The following RHOU variants were observed in gnomAD, a reference collection of about 807,000 sequenced individuals.
RHOU encodes the protein ras homolog family member U, also known as rho-related GTP-binding protein RhoU.
In RHOU, 8 loss-of-function variants were observed where a neutral mutation model predicts 12.6. That is an observed-to-expected ratio of 0.64 (90% CI 0.37 to 1.15). The LOEUF (loss-of-function observed/expected upper bound fraction) is 1.15, where lower values mean the gene tolerates loss of function less well. Among genes scored for constraint, RHOU ranks in the 50% most tolerant of loss-of-function variants. The probability of loss-of-function intolerance (pLI) is 0.01; values close to 1 mark genes in which losing one functional copy is unlikely to be tolerated. For synonymous variants in RHOU, 161 were observed against 147.4 expected (o/e 1.09, Z -0.67); for missense variants, 258 against 347.0 (o/e 0.74, Z 2.04).
At chr1:228,669,532 C>T in the RHOU span, among the ~76,000 whole-genome samples, 1 of 152,230 alleles carries the variant, frequency 6.6e-6, no homozygotes, top group Non-Finnish European at 1.5e-5. Flanking sequence ...CAGGCTATAA[C>T]TGAAGGACTG....
chr1:228,708,342 A>G, the RHOU span, among the ~76,000 whole-genome samples: 569 of 151,928 alleles, frequency 3.7e-3, 3 homozygotes, highest in Middle Eastern at 0.027. Flanking sequence ...GAGCAACACC[A>G]AGACACATAA....
rs370430474 is a variant in RHOU, at chr1:228,743,477, C to G, written c.514C>G (p.Leu172Val). Residue 172 changes from leucine (L) to valine (V), a missense_variant, in exon 3 of 3, where the codon CTC (leucine) becomes GTC (valine). Transcript: ENST00000366691. The surrounding 1 kb of genome is among the most constrained non-coding windows in gnomAD (Gnocchi z 5.1). ...QSDLREDVKVLIELDKCKEKP... is the reference protein window; with the variant it reads ...QSDLREDVKVVIELDKCKEKP... The stretch of plus-strand genomic sequence containing the variant: ...GGATCTCAGAGAAGATGTCAAAGTC[C>G]TCATTGAGTTGGACAAATGCAAAGA... 1.5e-5 allele frequency: 24 copies of G among 1,614,044 alleles called. No homozygotes were observed. Among genetic ancestry groups the G allele is most frequent in the African/African-American group, 2.7e-5 (2 of 74,908 alleles).
upstream of RHOU, among the ~76,000 whole-genome samples, chr1:228,731,659 G>A (rs1307386499): frequency 6.6e-6 from 1 of 152,156 alleles, no homozygotes; most frequent in East Asian, 1.9e-4. Flanking sequence ...CGGAGAAAGA[G>A]CAAGTTCATG....
At chr1:228,672,153 A>G in the RHOU span, among the ~76,000 whole-genome samples, 8 of 152,346 alleles carry the variant, frequency 5.3e-5, no homozygotes, top group Non-Finnish European at 1.0e-4. Context: ...ATATAATTGC[A>G]TTTTCATATA....
chr1:228,677,072 T>C, the RHOU span, among the ~76,000 whole-genome samples: 1 of 151,906 alleles, frequency 6.6e-6, no homozygotes, highest in African/African-American at 2.4e-5. Context: ...TTTGGGGTGG[T>C]ATGGAGAGAT....
the RHOU span, among the ~76,000 whole-genome samples, chr1:228,691,535 C>G: frequency 6.6e-6 from 1 of 151,570 alleles, no homozygotes; most frequent in Non-Finnish European, 1.5e-5. Flanking sequence ...TTCAGATTGG[C>G]TTCTTTCATG....
At chr1:228,675,038 A>G in the RHOU span, among the ~76,000 whole-genome samples, 1 of 152,066 alleles carries the variant, frequency 6.6e-6, no homozygotes. Context: ...CTCCTATATT[A>G]TATTCTAAGA....
In RHOU at chr1:228,735,688, G is replaced by A; in HGVS notation, c.-55G>A. The A allele has an allele frequency of 8.5e-7, 1 of 1,179,676 alleles. No homozygotes were observed. The highest frequency in any genetic ancestry group is 4.5e-5 in the Admixed American group (1 of 22,064). The allele number at this position is 1,179,676 out of a possible 1,614,324, so 73.1% of individuals were successfully genotyped here. On this transcript the variant is annotated 5_prime_UTR_variant, in exon 1 of 3. Transcript: ENST00000366691. The surrounding 1 kb of genome is among the most constrained non-coding windows in gnomAD (Gnocchi z 8.1). ...CTACCGCAACCCTCCGGGGCGGAGG[G>A]GCGGTCGGGCCGGGCCCTGCTAGCC...
chr1:228,651,124 C>A, the RHOU span: 1 of 216,614 alleles, frequency 4.6e-6, no homozygotes, highest in Non-Finnish European at 9.9e-6. Context: ...GGAGCATGAT[C>A]TCACCCAGCT....
Position 228,738,298 on chromosome 1 carries a change from C to T in RHOU, c.321+567C>T, listed in dbSNP as rs1662653917. Among the ~76,000 whole-genome samples, 1 of 152,156 alleles carries T rather than the reference C, an allele frequency of 6.6e-6. No homozygotes were observed. Among genetic ancestry groups the T allele is most frequent in the Non-Finnish European group, 1.5e-5 (1 of 68,034 alleles). ...ATGAACTAACTGGGCTTATTCTATC[C>T]AAACTGTGAACGCTGGTTCTTGTCT... On this transcript the variant is annotated intron_variant, in intron 2 of 2. Coordinates refer to ENST00000366691, the MANE Select transcript of RHOU (RefSeq NM_021205.6). This position sits in a 1 kb window ranked among gnomAD's most constrained non-coding sequence, Gnocchi z 4.2.
At chr1:228,687,364 T>A in the RHOU span, 6 of 820,000 alleles carry the variant, frequency 7.3e-6, no homozygotes, top group South Asian at 8.0e-5. Context: ...CTTAAGTGGA[T>A]GTTTTGGTAC....
chr1:228,741,752 C>T (rs1662724123), intron 2 of RHOU, among the ~76,000 whole-genome samples: 1 of 152,162 alleles, frequency 6.6e-6, no homozygotes, highest in South Asian at 2.1e-4. Context: ...AAGTGATCCC[C>T]CTGCCTCAGC....
chr1:228,719,757 A>T, the RHOU span, among the ~76,000 whole-genome samples: 1 of 151,896 alleles, frequency 6.6e-6, no homozygotes, highest in South Asian at 2.1e-4. Flanking sequence ...ATACAAGCAA[A>T]CAACAACAAC....
intron 2 of RHOU, among the ~76,000 whole-genome samples, chr1:228,742,344 A>T (rs192027147): frequency 1.3e-5 from 2 of 152,292 alleles, no homozygotes; most frequent in East Asian, 3.9e-4. Context: ...AGTGTAGGTG[A>T]TGTTCAGTGT....
At chr1:228,655,632 T>C in the RHOU span, among the ~76,000 whole-genome samples, 1 of 152,224 alleles carries the variant, frequency 6.6e-6, no homozygotes, top group African/African-American at 2.4e-5. Flanking sequence ...AGGGTTTTGC[T>C]AGTCGCGATT....
chr1:228,687,112 C>T, the RHOU span, among the ~76,000 whole-genome samples: 1 of 152,146 alleles, frequency 6.6e-6, no homozygotes, highest in South Asian at 2.1e-4. Flanking sequence ...ACACAAAACT[C>T]ATTTTCCACT....
chr1:228,657,279 CAAA>C, the RHOU span, among the ~76,000 whole-genome samples: 78 of 28,030 alleles, frequency 2.8e-3, no homozygotes, highest in African/African-American at 0.01. Flanking sequence ...AACTCCATCT[CAAA>C]AAAAAAAAAA....
At chr1:228,650,107 T>C in the RHOU span, 2 of 433,532 alleles carry the variant, frequency 4.6e-6, no homozygotes, top group African/African-American at 2.1e-5. Context: ...ACAGGTACTC[T>C]TGAATACAGA....
At chr1:228,666,196 G>A in the RHOU span, among the ~76,000 whole-genome samples, 20 of 152,170 alleles carry the variant, frequency 1.3e-4, no homozygotes, top group African/African-American at 4.8e-4. Context: ...CTGACTTCAA[G>A]TGATCCATCC....
Sources: gnomAD v4.1 joint callset for allele counts (sites outside exome capture counted in the v4.1 genomes callset) on GRCh38, gnomAD v4.1.1 for gene constraint, Gnocchi (gnomAD v3.1) non-coding constraint, MANE v1.5 for transcripts, NCBI Gene and HGNC (gene_info 2026-07-23, HGNC 2026-07-21) for gene names.